Variants in CMTM3 observed in about 807,000 individuals in gnomAD.
The protein encoded by CMTM3 is CKLF like MARVEL transmembrane domain containing 3, also known as CKLF-like MARVEL transmembrane domain-containing protein 3.
CMTM3 carries 7 observed loss-of-function variants against 18.2 expected under a neutral mutation model. The ratio of observed to expected loss-of-function variants is 0.38; its 90% CI spans 0.22 to 0.72. The LOEUF (loss-of-function observed/expected upper bound fraction) is 0.72. CMTM3 is among the 30% of genes least tolerant of loss of function. The probability of loss-of-function intolerance (pLI) is 0.46; values close to 1 mark genes in which losing one functional copy is unlikely to be tolerated. For missense variants in CMTM3, 227 were observed against 249.2 expected (o/e 0.91, Z 0.60); for synonymous variants, 109 against 111.2 (o/e 0.98, Z 0.12).
rs975409398 is a variant in CMTM3 at position 66,610,541 on chromosome 16, G to C, written c.520+538G>C. On this transcript the variant is annotated intron_variant, in intron 4 of 4. Transcript: ENST00000567572. This position sits in a 1 kb window ranked among gnomAD's most constrained non-coding sequence, Gnocchi z 4.6. Reference sequence around the variant, plus strand: ...GTAGCTGAAAGCAGGCCCACGCTGGGTGTCAGCTGGCCCGAGGCTCTGGAG... The same window carrying C: ...GTAGCTGAAAGCAGGCCCACGCTGGCTGTCAGCTGGCCCGAGGCTCTGGAG... Among the ~76,000 whole-genome samples, 1 of 152,208 alleles carries C rather than the reference G, an allele frequency of 6.6e-6. No homozygotes were observed. Among genetic ancestry groups the C allele is most frequent in the Admixed American group, 6.5e-5 (1 of 15,282 alleles).
chr16:66,604,606 A>G, upstream of CMTM3: 2 of 338,068 alleles, frequency 5.9e-6, no homozygotes, highest in Non-Finnish European at 9.4e-6. Flanking sequence ...CGGGCCCAGC[A>G]TCCCCCGCAG....
intron 1 of CMTM3, among the ~76,000 whole-genome samples, chr16:66,606,998 G>T (rs1472554397): frequency 6.6e-6 from 1 of 152,300 alleles, no homozygotes; most frequent in African/African-American, 2.4e-5. Context: ...CATCTCTGGG[G>T]CGGAGGTAAG....
chr16:66,609,905 T>A lies in CMTM3; in HGVS notation c.422T>A (p.Ile141Asn), dbSNP rs375432807. 6.2e-7 allele frequency: 1 copy of A among 1,614,020 alleles called. No homozygotes were observed. The highest frequency in any genetic ancestry group is 8.5e-7 in the Non-Finnish European group (1 of 1,180,026). The change falls in exon 4 of 5, where the codon ATC becomes AAC. Residue 141 changes from isoleucine (I) to asparagine (N), a missense_variant. Physicochemically the swap from Ile to Asn is moderately radical, Grantham distance 149. Coordinates refer to ENST00000567572, the MANE Select transcript of CMTM3 (RefSeq NM_181553.4). The surrounding 1 kb of genome is among the most constrained non-coding windows in gnomAD (Gnocchi z 4.4). ...CAGGTGTTTGGCTTCTTTGCTACCA[T>A]CGTGTTTGCAACTGATTTCTACCTG... is the stretch of plus-strand genomic sequence containing the variant. Reference protein sequence around the residue: ...AAGVFGFFATIVFATDFYLIF... With the variant: ...AAGVFGFFATNVFATDFYLIF...
chr16:66,611,794 C>G (rs536894084), intron 4 of CMTM3, among the ~76,000 whole-genome samples: 1 of 151,968 alleles, frequency 6.6e-6, no homozygotes, highest in Non-Finnish European at 1.5e-5. Flanking sequence ...CATAGGCAGG[C>G]CCTTACCATT....
Position 66,608,186 on chromosome 16 carries a change from C to A in CMTM3, c.148-123C>A. The stretch of plus-strand genomic sequence containing the variant: ...GCTCTGCCACTTCCCAGCTGCGGGA[C>A]TGTGAGCAGTTGGCTTCCCCTGCTG... On this transcript the variant is annotated intron_variant, in intron 1 of 4. Coordinates refer to ENST00000567572, the MANE Select transcript of CMTM3 (RefSeq NM_181553.4). This position sits in a 1 kb window ranked among gnomAD's most constrained non-coding sequence, Gnocchi z 5.1. 9.9e-7 allele frequency: 1 copy of A among 1,013,366 alleles called. No individual in the cohort carries two copies. The highest frequency in any genetic ancestry group is 1.5e-6 in the Non-Finnish European group (1 of 671,754). The allele number at this position is 1,013,366 out of a possible 1,614,324, so 62.8% of individuals were successfully genotyped here. A position where few individuals can be genotyped will look rare whatever the true frequency, so the allele number is the denominator to read the frequency against.
Position 66,604,953 on chromosome 16 carries a change from G to A in CMTM3, c.147+1G>A, listed in dbSNP as rs770746673. ...AGGCCGCCTCCTGCTGGCCGAGTCGGTGAGTGCGGCGGGACCCTCGGCCGC... is the reference window on the plus strand; with the variant it reads ...AGGCCGCCTCCTGCTGGCCGAGTCGATGAGTGCGGCGGGACCCTCGGCCGC... On this transcript the variant is annotated splice_donor_variant, in intron 1 of 4. Coordinates refer to ENST00000567572, the MANE Select transcript of CMTM3 (RefSeq NM_181553.4). LOFTEE classifies it high-confidence loss of function. The A allele has an allele frequency of 2.0e-6, 3 of 1,504,920 alleles. No individual in the cohort carries two copies. Among genetic ancestry groups the A allele is most frequent in the Admixed American group, 2.2e-5 (1 of 45,882 alleles). 93.2% of individuals were successfully genotyped at this position (1,504,920 alleles called of 1,614,324 possible).
rs2015249968 is a variant in CMTM3 at position 66,608,557 on chromosome 16, C to T, written c.303+93C>T. The stretch of plus-strand genomic sequence containing the variant: ...GTGCACTTGGGCCCTTATCCTTTCT[C>T]TAGTGTGCTGGAGTTTGCAGTTGGT... On this transcript the variant is annotated intron_variant, in intron 2 of 4. Transcript: ENST00000567572. The surrounding 1 kb of genome is among the most constrained non-coding windows in gnomAD (Gnocchi z 5.1). The T allele has an allele frequency of 7.6e-7, 1 of 1,323,894 alleles. No homozygotes were observed. Among genetic ancestry groups the T allele is most frequent in the Non-Finnish European group, 1.0e-6 (1 of 953,440 alleles). The allele number at this position is 1,323,894 out of a possible 1,614,324, so 82.0% of individuals were successfully genotyped here.
rs2015259255 is a variant in CMTM3 at position 66,608,823 on chromosome 16, C to T, written c.303+359C>T. On this transcript the variant is annotated intron_variant, in intron 2 of 4. Coordinates refer to ENST00000567572, the MANE Select transcript of CMTM3 (RefSeq NM_181553.4). The surrounding 1 kb of genome is among the most constrained non-coding windows in gnomAD (Gnocchi z 5.1). ...ACAGGTTAACTGAGGACTTGCAGGG[C>T]TTACCCAGACTTCAGCCATCGGCAA... Among the ~76,000 whole-genome samples, 1 of 152,216 alleles carries T rather than the reference C, an allele frequency of 6.6e-6. No homozygotes were observed. Among genetic ancestry groups the T allele is most frequent in the Non-Finnish European group, 1.5e-5 (1 of 68,040 alleles).
At position 66,612,679 on chromosome 16, in the gene CMTM3, C is replaced by T; in HGVS notation, c.*42C>T. The T allele has an allele frequency of 6.2e-7, 1 of 1,605,266 alleles. No homozygotes were observed. The highest frequency in any genetic ancestry group is 8.5e-7 in the Non-Finnish European group (1 of 1,172,754). ...TTGGCAACCTGAGCCACACAGGCCT[C>T]CACCCCTGCGCCTCACAGGGGTCGC... On this transcript the variant is annotated 3_prime_UTR_variant, in exon 5 of 5. Coordinates refer to ENST00000567572, the MANE Select transcript of CMTM3 (RefSeq NM_181553.4). This position sits in a 1 kb window ranked among gnomAD's most constrained non-coding sequence, Gnocchi z 6.0.
In CMTM3 at chr16:66,609,609, C is replaced by A; in HGVS notation, c.399+79C>A. 6.6e-7 allele frequency: 1 copy of A among 1,518,592 alleles called. No homozygotes were observed. 94.1% of individuals were successfully genotyped at this position (1,518,592 alleles called of 1,614,324 possible). ...TTTAGGGTGGGACCTGGGGCAGAGCCTTTCCCTGCTGGGGCCCCCCTGGGG... is the reference window on the plus strand; with the variant it reads ...TTTAGGGTGGGACCTGGGGCAGAGCATTTCCCTGCTGGGGCCCCCCTGGGG... On this transcript the variant is annotated intron_variant, in intron 3 of 4. Coordinates refer to ENST00000567572, the MANE Select transcript of CMTM3 (RefSeq NM_181553.4). The surrounding 1 kb of genome is among the most constrained non-coding windows in gnomAD (Gnocchi z 4.4).
In CMTM3 at chr16:66,604,799, C is replaced by T. The variant is rs1016038941; in HGVS notation, c.-7C>T. 1.1e-4 allele frequency: 137 copies of T among 1,249,250 alleles called. No individual in the cohort carries two copies. Among genetic ancestry groups the T allele is most frequent in the Non-Finnish European group, 1.4e-4 (136 of 1,001,284 alleles). The allele number at this position is 1,249,250 out of a possible 1,614,324, so 77.4% of individuals were successfully genotyped here. On this transcript the variant is annotated 5_prime_UTR_variant, in exon 1 of 5. Coordinates refer to ENST00000567572, the MANE Select transcript of CMTM3 (RefSeq NM_181553.4). ...GGCCGAGCCCCGGCCCTACCGCCGC[C>T]GCCGCCATGTGGCCCCCAGACCCCG...
chr16:66,610,892 T>G lies in CMTM3; in HGVS notation c.520+889T>G, dbSNP rs941643117. 7 of 398,426 alleles carry G rather than the reference T, an allele frequency of 1.8e-5. No individual in the cohort carries two copies. Among genetic ancestry groups the G allele is most frequent in the Non-Finnish European group, 3.1e-5 (7 of 226,082 alleles). 24.7% of individuals were successfully genotyped at this position (398,426 alleles called of 1,614,324 possible). A position where few individuals can be genotyped will look rare whatever the true frequency, so the allele number is the denominator to read the frequency against. On this transcript the variant is annotated intron_variant, in intron 4 of 4. Transcript: ENST00000567572. The surrounding 1 kb of genome is among the most constrained non-coding windows in gnomAD (Gnocchi z 4.6). ...GGGGATTTGTGAATCCCAGAAACCG[T>G]CCTTCTGCTGAAAATGAATGCCACT...
Position 66,605,056 on chromosome 16 carries a change from G to T in CMTM3, c.147+104G>T, listed in dbSNP as rs1695764182. 1 of 1,054,880 alleles carries T rather than the reference G, an allele frequency of 9.5e-7. No individual in the cohort carries two copies. Among genetic ancestry groups the T allele is most frequent in the Non-Finnish European group, 1.2e-6 (1 of 804,310 alleles). 65.3% of individuals were successfully genotyped at this position (1,054,880 alleles called of 1,614,324 possible). ...GGTCCGGGGGCGGCCGCCGTGCTCC[G>T]ATACCCCCTCTCCGCGCCGCCTCGG... On this transcript the variant is annotated intron_variant, in intron 1 of 4. Transcript: ENST00000567572. The surrounding 1 kb of genome is among the most constrained non-coding windows in gnomAD (Gnocchi z 4.6).
Position 66,609,229 on chromosome 16 carries a change from C to T in CMTM3, c.304-206C>T, listed in dbSNP as rs1409236348. 8.5e-6 allele frequency: 5 copies of T among 586,792 alleles called. No homozygotes were observed. The highest frequency in any genetic ancestry group is 2.8e-5 in the East Asian group (1 of 35,972). The allele number at this position is 586,792 out of a possible 1,614,324, so 36.3% of individuals were successfully genotyped here. A position where few individuals can be genotyped will look rare whatever the true frequency, so the allele number is the denominator to read the frequency against. Reference sequence around the variant, plus strand: ...CTTAGGACAGCAGCCCCGCTGGACCCGGGATAGGGCAGTGTCAGCTGCTGG... The same window carrying T: ...CTTAGGACAGCAGCCCCGCTGGACCTGGGATAGGGCAGTGTCAGCTGCTGG... On this transcript the variant is annotated intron_variant, in intron 2 of 4. Transcript: ENST00000567572. The surrounding 1 kb of genome is among the most constrained non-coding windows in gnomAD (Gnocchi z 4.4).
chr16:66,608,186 C>G lies in CMTM3; in HGVS notation c.148-123C>G. 1 of 1,013,366 alleles carries G rather than the reference C, an allele frequency of 9.9e-7. No individual in the cohort carries two copies. Among genetic ancestry groups the G allele is most frequent in the Non-Finnish European group, 1.5e-6 (1 of 671,754 alleles). The allele number at this position is 1,013,366 out of a possible 1,614,324, so 62.8% of individuals were successfully genotyped here. A position where few individuals can be genotyped will look rare whatever the true frequency, so the allele number is the denominator to read the frequency against. ...GCTCTGCCACTTCCCAGCTGCGGGA[C>G]TGTGAGCAGTTGGCTTCCCCTGCTG... On this transcript the variant is annotated intron_variant, in intron 1 of 4. Coordinates refer to ENST00000567572, the MANE Select transcript of CMTM3 (RefSeq NM_181553.4). The surrounding 1 kb of genome is among the most constrained non-coding windows in gnomAD (Gnocchi z 5.1).
chr16:66,605,315 A>G lies in CMTM3; in HGVS notation c.147+363A>G, dbSNP rs2015099557. The G allele has an allele frequency of 5.6e-6, 1 of 179,468 alleles. No individual in the cohort carries two copies. The highest frequency in any genetic ancestry group is 1.8e-4 in the South Asian group (1 of 5,436). The allele number at this position is 179,468 out of a possible 1,614,324, so 11.1% of individuals were successfully genotyped here. A position where few individuals can be genotyped will look rare whatever the true frequency, so the allele number is the denominator to read the frequency against. The stretch of plus-strand genomic sequence containing the variant: ...CGGACCTCCGGGACTCCCGGGCCGC[A>G]GCGGGGTCCGCTTTCCTGCGAGCGG... On this transcript the variant is annotated intron_variant, in intron 1 of 4. Transcript: ENST00000567572. This position sits in a 1 kb window ranked among gnomAD's most constrained non-coding sequence, Gnocchi z 4.6.
chr16:66,606,333 G>C (rs997458596), intron 1 of CMTM3, among the ~76,000 whole-genome samples: 6 of 152,152 alleles, frequency 3.9e-5, no homozygotes, highest in Non-Finnish European at 7.4e-5. Flanking sequence ...TTAGGCTTTG[G>C]GGTGCAGGCA....
chr16:66,604,608 C>A (rs947362589), upstream of CMTM3: 1 of 379,330 alleles, frequency 2.6e-6, no homozygotes, highest in African/African-American at 2.1e-5. Flanking sequence ...GGCCCAGCAT[C>A]CCCCGCAGCC....
In CMTM3 at chr16:66,608,377, G is replaced by C. The variant is rs1284913795; in HGVS notation, c.216G>C (p.Leu72=). ...CATCTGCCTTCCTCACAGCGCCTCT[G>C]CTGGAGTTCCTGCTGGCCTTGTACT... ...SSASAFLTAP[L]LEFLLALYFL... is the part of the protein sequence containing the mutation. Residue 72 remains leucine, a synonymous_variant, in exon 2 of 5, where the codon CTG becomes CTC. Transcript: ENST00000567572. The surrounding 1 kb of genome is among the most constrained non-coding windows in gnomAD (Gnocchi z 5.1). 2 of 1,614,110 alleles carry C rather than the reference G, an allele frequency of 1.2e-6. No homozygotes were observed. The highest frequency in any genetic ancestry group is 2.7e-5 in the African/African-American group (2 of 74,946).
Sources: gnomAD v4.1 joint callset for allele counts (sites outside exome capture counted in the v4.1 genomes callset) on GRCh38, gnomAD v4.1.1 for gene constraint, Gnocchi (gnomAD v3.1) non-coding constraint, MANE v1.5 for transcripts, NCBI Gene and HGNC (gene_info 2026-07-23, HGNC 2026-07-21) for gene names.